CLEC4C: variants seen among roughly 807,000 people sequenced by gnomAD.
CLEC4C encodes C-type lectin domain family 4 member C.
CLEC4C carries 17 observed loss-of-function variants against 27.7 expected under a neutral mutation model. The observed-to-expected ratio is 0.61, with a 90% confidence interval of 0.42 to 0.92. The LOEUF is 0.92. CLEC4C is among the 40% of genes least tolerant of loss of function. The pLI is 0.00. For missense variants in CLEC4C, 244 were observed against 257.3 expected (o/e 0.95, Z 0.35); for synonymous variants, 80 against 80.8 (o/e 0.99, Z 0.06).
In CLEC4C at chr12:7,747,236, T is replaced by C; in HGVS notation, c.31+82A>G. 5 of 1,212,918 alleles carry C rather than the reference T, an allele frequency of 4.1e-6. No homozygotes were observed. In the South Asian group the frequency reaches 4.8e-5, roughly 12 times the overall value. The allele number at this position is 1,212,918 out of a possible 1,614,324, so 75.1% of individuals were successfully genotyped here. On this transcript the variant is annotated intron_variant, in intron 1 of 5. Coordinates refer to ENST00000360345, the MANE Select transcript of CLEC4C (RefSeq NM_001371390.1). Reference sequence around the variant, plus strand: ...AAGCTGTCTACTTCTTCTTCCAAAGTCATCCCTATCACCTCAATGCCTGTT... The same window carrying C: ...AAGCTGTCTACTTCTTCTTCCAAAGCCATCCCTATCACCTCAATGCCTGTT...
At chr12:7,734,047 G>A (rs896851852) in intron 4 of CLEC4C, among the ~76,000 whole-genome samples, 87 of 151,908 alleles carry the variant, frequency 5.7e-4, no homozygotes, top group African/African-American at 2.0e-3. Flanking sequence ...CATGAAACAC[G>A]TCGCCAGGCC....
rs760919209 is a variant in CLEC4C at position 7,747,355 on chromosome 12, T to G, written c.-7A>C. Reference sequence around the variant, plus strand: ...GCTCTTCTTCAGGCACCATTGTGTGTGCGCACACCCTTTGGACTTCCTCTA... The same window carrying G: ...GCTCTTCTTCAGGCACCATTGTGTGGGCGCACACCCTTTGGACTTCCTCTA... On this transcript the variant is annotated 5_prime_UTR_variant, in exon 1 of 6. Transcript: ENST00000360345. 6.2e-7 allele frequency: 1 copy of G among 1,614,006 alleles called. No individual in the cohort carries two copies. Among genetic ancestry groups the G allele is most frequent in the Admixed American group, 1.7e-5 (1 of 59,996 alleles).
chr12:7,744,402 A>C (rs1016985979), intron 2 of CLEC4C, among the ~76,000 whole-genome samples: 12 of 152,202 alleles, frequency 7.9e-5, no homozygotes, highest in Non-Finnish European at 1.8e-4. Flanking sequence ...TTGACATAGG[A>C]AGTCATCGTA....
chr12:7,741,619 G>C, intron 2 of CLEC4C, 88 bp from the exon 3 acceptor site: 2 of 744,552 alleles, frequency 2.7e-6, no homozygotes, highest in Non-Finnish European at 2.4e-6. Flanking sequence ...CAGGCACAGT[G>C]ACTCACGCCT....
At chr12:7,742,772 T>C (rs1864885624) in intron 2 of CLEC4C, among the ~76,000 whole-genome samples, 1 of 151,856 alleles carries the variant, frequency 6.6e-6, no homozygotes, top group African/African-American at 2.4e-5. Context: ...ATCGCACCAC[T>C]GCACTCCAGC....
rs142052046 is a variant in CLEC4C at position 7,729,605 on chromosome 12, G to T, written c.633C>A (p.Ile211=). The change falls in exon 6 of 6, where the codon ATC becomes ATA. Residue 211 remains isoleucine (I), a synonymous_variant. Coordinates refer to ENST00000360345, the MANE Select transcript of CLEC4C (RefSeq NM_001371390.1). ...PQKSICKMKK[I]YI ...AGGGAGAATATTTCATTTATATGTAGATCTTCTTCATCTTGCAAATTGACT... is the reference window on the plus strand; with the variant it reads ...AGGGAGAATATTTCATTTATATGTATATCTTCTTCATCTTGCAAATTGACT... 2.7e-5 allele frequency: 43 copies of T among 1,613,584 alleles called. No homozygotes were observed. The African/African-American group carries it at 5.1e-4, about 19-fold the overall frequency.
chr12:7,745,306 T>C (rs1247400314), intron 2 of CLEC4C, among the ~76,000 whole-genome samples: 6 of 151,802 alleles, frequency 4.0e-5, no homozygotes. Context: ...GGGCATCAGC[T>C]GTAAGCCAGG....
At chr12:7,746,293 A>G (rs1187072968) in intron 2 of CLEC4C, 38 bp downstream of exon 2, 2 of 1,136,994 alleles carry the variant, frequency 1.8e-6, no homozygotes, top group Admixed American at 2.0e-5. Context: ...GATTGGGAAA[A>G]GGACCAAGAG....
chr12:7,740,655 C>T (rs1490644329), intron 3 of CLEC4C, among the ~76,000 whole-genome samples: 3 of 150,668 alleles, frequency 2.0e-5, no homozygotes. Flanking sequence ...GAGCCGAGAT[C>T]GCGCCACTGC....
Position 7,747,307 on chromosome 12 carries a change from T to C in CLEC4C, c.31+11A>G, listed in dbSNP as rs758265421. The C allele has an allele frequency of 6.2e-7, 1 of 1,613,936 alleles. No homozygotes were observed. Among genetic ancestry groups the C allele is most frequent in the Middle Eastern group, 1.7e-4 (1 of 6,060 alleles). ...ACTACCTTCCCTAGAACTGAGAAGATGAGTGCTTACCTCGGTCTTGAGGCT... is the reference window on the plus strand; with the variant it reads ...ACTACCTTCCCTAGAACTGAGAAGACGAGTGCTTACCTCGGTCTTGAGGCT... On this transcript the variant is annotated intron_variant, in intron 1 of 5. Coordinates refer to ENST00000360345, the MANE Select transcript of CLEC4C (RefSeq NM_001371390.1).
upstream of CLEC4C, chr12:7,747,632 C>CT (rs201227947): frequency 0.018 from 1,609 of 88,376 alleles, 133 homozygotes; most frequent in South Asian, 0.035. Flanking sequence ...GTCTGATTGT[C>CT]TTTTTTTTTT....
chr12:7,733,481 C>CTTTTTT (rs762051121), intron 4 of CLEC4C, among the ~76,000 whole-genome samples: 1 of 119,828 alleles, frequency 8.3e-6, no homozygotes, highest in African/African-American at 3.1e-5. Context: ...CCAAGCTGGT[C>CTTTTTT]TTTTTTTTTT....
At chr12:7,742,675 G>A (rs1864882842) in intron 2 of CLEC4C, among the ~76,000 whole-genome samples, 2 of 151,222 alleles carry the variant, frequency 1.3e-5, no homozygotes, top group African/African-American at 4.9e-5. Flanking sequence ...CAGGCGTGGT[G>A]ACACGTGTCT....
chr12:7,736,398 AAAG>A (rs1864726654), intron 4 of CLEC4C, among the ~76,000 whole-genome samples: 1 of 152,198 alleles, frequency 6.6e-6, no homozygotes, highest in Non-Finnish European at 1.5e-5. Context: ...AAAATGTTGA[AAAG>A]AAGGTAAGAA....
At chr12:7,730,639 TA>T (rs80129912) in intron 5 of CLEC4C, 157 bp downstream of exon 5, 42,148 of 284,504 alleles carry the variant, frequency 0.15, 45 homozygotes, top group South Asian at 0.2. Context: ...GACTCTTGTC[TA>T]AAAAAAAAAA....
chr12:7,744,894 G>A (rs1864937505), intron 2 of CLEC4C, among the ~76,000 whole-genome samples: 1 of 150,242 alleles, frequency 6.7e-6, no homozygotes, highest in Admixed American at 6.7e-5. Flanking sequence ...ACAGGTGTGA[G>A]CCACTGCCTG....
chr12:7,730,657 A>AG, intron 5 of CLEC4C, 140 bp downstream of exon 5: 1 of 452,970 alleles, frequency 2.2e-6, no homozygotes, highest in Non-Finnish European at 4.0e-6. Context: ...AAAAAAAAAA[A>AG]GCACAACCCT....
intron 2 of CLEC4C, among the ~76,000 whole-genome samples, chr12:7,743,510 G>T (rs997567448): frequency 6.6e-6 from 1 of 151,146 alleles, no homozygotes. Context: ...TCAGCCTCCT[G>T]AGTAGCTGGC....
intron 2 of CLEC4C, among the ~76,000 whole-genome samples, chr12:7,744,702 C>A (rs994157800): frequency 1.8e-4 from 28 of 152,134 alleles, no homozygotes; most frequent in African/African-American, 5.6e-4. Flanking sequence ...GCAGCCTCAA[C>A]TTCCTGGGCT....
Sources: allele counts gnomAD v4.1 joint callset (sites outside exome capture counted in the v4.1 genomes callset), GRCh38; gene constraint gnomAD v4.1.1; transcripts MANE v1.5; gene names NCBI Gene and HGNC (gene_info 2026-07-23, HGNC 2026-07-21).